Variants in ERBIN observed in about 807,000 individuals in gnomAD.
ERBIN encodes the protein erbb2 interacting protein, also known as densin-180-like protein.
A neutral mutation model predicts 158.4 loss-of-function variants in ERBIN; 60 were observed. The ratio of observed to expected loss-of-function variants is 0.38; its 90% confidence interval spans 0.31 to 0.47. The LOEUF is 0.47. Among genes scored for constraint, ERBIN ranks in the 20% least tolerant of loss-of-function variants. ERBIN has a pLI of 0.99. For missense variants in ERBIN, 1,610 were observed against 1,648.0 expected (o/e 0.98, Z 0.40); for synonymous variants, 594 against 557.2 (o/e 1.07, Z -0.93).
At chr5:66,069,864 T>C (rs549769519) in intron 21 of ERBIN, among the ~76,000 whole-genome samples, 18 of 152,200 alleles carry the variant, frequency 1.2e-4, no homozygotes, top group Middle Eastern at 3.4e-3. Flanking sequence ...TTTTAATATA[T>C]CCCTGGCTTT....
intron 14 of ERBIN, among the ~76,000 whole-genome samples, chr5:66,034,242 A>G (rs995548298): frequency 6.6e-6 from 1 of 152,006 alleles, no homozygotes; most frequent in Admixed American, 6.6e-5. Flanking sequence ...GGAGGAGAGG[A>G]AATAGTGTAC....
intron 18 of ERBIN, among the ~76,000 whole-genome samples, chr5:66,047,605 C>T (rs1046160384): frequency 1.3e-5 from 2 of 152,026 alleles, no homozygotes; most frequent in Non-Finnish European, 2.9e-5. Context: ...CACTGCAGTA[C>T]ATACTAGCTA....
intron 1 of ERBIN, among the ~76,000 whole-genome samples, chr5:65,945,067 C>T (rs1745576473): frequency 6.6e-6 from 1 of 152,158 alleles, no homozygotes; most frequent in Non-Finnish European, 1.5e-5. Context: ...ATAAAAATAC[C>T]TCTTAGCTTA....
chr5:66,030,075 T>C (rs1756694612), intron 14 of ERBIN, among the ~76,000 whole-genome samples: 1 of 151,930 alleles, frequency 6.6e-6, no homozygotes, highest in Admixed American at 6.6e-5. Context: ...TCTTGCTCTG[T>C]CACCCAGGCT....
intron 4 of ERBIN, among the ~76,000 whole-genome samples, chr5:65,996,869 T>G (rs1386643759): frequency 6.6e-6 from 1 of 152,180 alleles, no homozygotes; most frequent in Non-Finnish European, 1.5e-5. Flanking sequence ...TTTCTAAGTA[T>G]TTTATTTTTT....
chr5:65,956,480 G>A (rs1433712018), intron 1 of ERBIN, among the ~76,000 whole-genome samples: 2 of 148,110 alleles, frequency 1.4e-5, no homozygotes, highest in Non-Finnish European at 3.0e-5. Context: ...AGGCTCAAGC[G>A]ATTCACCCAC....
intron 1 of ERBIN, among the ~76,000 whole-genome samples, chr5:65,981,880 A>G (rs1161847395): frequency 6.6e-6 from 1 of 152,216 alleles, no homozygotes; most frequent in African/African-American, 2.4e-5. Context: ...AACAAAACTT[A>G]TGCTGCATTG....
At chr5:65,989,365 A>G (rs1751614509) in intron 2 of ERBIN, among the ~76,000 whole-genome samples, 1 of 152,110 alleles carries the variant, frequency 6.6e-6, no homozygotes, top group African/African-American at 2.4e-5. Context: ...GCCTATATAG[A>G]TTTGGTGTTC....
chr5:66,033,341 T>A lies in ERBIN; in HGVS notation c.1206+4998T>A, dbSNP rs557053601. Reference sequence around the variant, plus strand: ...AAAAGGAATTATATAAAATAACTTTTAAAATGTTAGTGATGCATGATGAAT... The same window carrying A: ...AAAAGGAATTATATAAAATAACTTTAAAAATGTTAGTGATGCATGATGAAT... On this transcript the variant is annotated intron_variant, in intron 14 of 25. Transcript: ENST00000284037. Among the ~76,000 whole-genome samples the A allele has an allele frequency of 5.3e-5, 8 of 152,322 alleles. No individual in the cohort carries two copies. In the East Asian group the frequency reaches 1.5e-3, roughly 29 times the overall value.
At chr5:66,008,524 A>G (rs1005867748) in intron 4 of ERBIN, among the ~76,000 whole-genome samples, 2 of 152,212 alleles carry the variant, frequency 1.3e-5, no homozygotes, top group Non-Finnish European at 2.9e-5. Flanking sequence ...TTTTATAGGA[A>G]TTAAACACAA....
chr5:65,965,390 T>G (rs1363767815), intron 1 of ERBIN, among the ~76,000 whole-genome samples: 3 of 5,424 alleles, frequency 5.5e-4, no homozygotes, highest in East Asian at 2.0e-3. Context: ...TTGTTTTTTT[T>G]TTTTTTTTTT....
chr5:66,034,041 G>A (rs1380329167), intron 14 of ERBIN, among the ~76,000 whole-genome samples: 1 of 151,436 alleles, frequency 6.6e-6, no homozygotes, highest in East Asian at 1.9e-4. Context: ...CCCAGGAGGC[G>A]GACGTTGCAG....
intron 1 of ERBIN, among the ~76,000 whole-genome samples, chr5:65,940,501 C>G (rs1397521157): frequency 1.5e-5 from 2 of 133,194 alleles, no homozygotes; most frequent in African/African-American, 3.1e-5. Flanking sequence ...CCAGCCGCCC[C>G]GTCTGGGAGG....
In ERBIN at chr5:66,072,166, T is replaced by TAAATG. The variant is rs1456018240; in HGVS notation, c.3634-2_3634-1insAATGA. The TAAATG allele has an allele frequency of 6.5e-7, 1 of 1,548,918 alleles. No individual in the cohort carries two copies. Among genetic ancestry groups the TAAATG allele is most frequent in the Non-Finnish European group, 8.7e-7 (1 of 1,146,292 alleles). On this transcript the variant is annotated splice_region_variant and splice_polypyrimidine_tract_variant and intron_variant, in intron 21 of 25. Coordinates refer to ENST00000284037, the MANE Select transcript of ERBIN (RefSeq NM_001253697.2). ...TGTTTACTTTTTATTTCCTGCTCAT[T>TAAATG]AGAAGCATCCCCAGACATCCAGTTC...
chr5:66,021,467 C>A, intron 8 of ERBIN, 82 bp downstream of exon 8: 2 of 1,026,466 alleles, frequency 1.9e-6, no homozygotes, highest in Non-Finnish European at 1.4e-6. Flanking sequence ...ATTTCTCTTA[C>A]AAATTGGATA....
At chr5:65,965,386 T>TGTTTTG (rs1561304940) in intron 1 of ERBIN, among the ~76,000 whole-genome samples, 1 of 5,308 alleles carries the variant, frequency 1.9e-4, no homozygotes, top group East Asian at 2.2e-3. Context: ...TTTGTTGTTT[T>TGTTTTG]TTTTTTTTTT....
At chr5:66,028,978 T>C (rs1244017450) in intron 14 of ERBIN, among the ~76,000 whole-genome samples, 1 of 152,176 alleles carries the variant, frequency 6.6e-6, no homozygotes, top group African/African-American at 2.4e-5. Context: ...AGGATTTCCT[T>C]CTTTTTTAAG....
chr5:66,012,234 C>T, intron 5 of ERBIN, 107 bp downstream of exon 5: 2 of 647,742 alleles, frequency 3.1e-6, no homozygotes, highest in Non-Finnish European at 5.1e-6. Flanking sequence ...AATCTTAAGT[C>T]TATACAAAAT....
At chr5:65,981,799 C>T (rs1210246410) in intron 1 of ERBIN, among the ~76,000 whole-genome samples, 3 of 152,092 alleles carry the variant, frequency 2.0e-5, no homozygotes, top group Non-Finnish European at 1.5e-5. Context: ...GCATTGTATT[C>T]TCAGGGCAAC....
Sources: allele counts gnomAD v4.1 joint callset (sites outside exome capture counted in the v4.1 genomes callset), GRCh38; gene constraint gnomAD v4.1.1; transcripts MANE v1.5; gene names NCBI Gene and HGNC (gene_info 2026-07-23, HGNC 2026-07-21).